AFAP1: variants seen among roughly 807,000 people sequenced by gnomAD.
AFAP1 encodes the protein actin filament-associated protein 1.
A neutral mutation model predicts 93.9 loss-of-function variants in AFAP1; 75 were observed. The observed-to-expected ratio is 0.80, with a 90% CI of 0.66 to 0.97. The LOEUF (loss-of-function observed/expected upper bound fraction) is 0.97. AFAP1 is among the 50% of genes least tolerant of loss of function. The probability of loss-of-function intolerance (pLI) is 0.00; values close to 1 mark genes in which losing one functional copy is unlikely to be tolerated. For missense variants in AFAP1, 1,201 were observed against 1,050.8 expected, an observed-to-expected ratio of 1.14 and a Z score of -1.98; for synonymous variants, 517 against 430.7, an observed-to-expected ratio of 1.20 and a Z score of -2.48.
intron 1 of AFAP1, among the ~76,000 whole-genome samples, chr4:7,930,435 C>A (rs866097511): frequency 6.6e-6 from 1 of 151,834 alleles, no homozygotes. Flanking sequence ...CATCTCGTCT[C>A]CCCTCCCCGG....
chr4:7,800,182 G>A (rs1326751475), intron 10 of AFAP1, among the ~76,000 whole-genome samples: 1 of 152,188 alleles, frequency 6.6e-6, no homozygotes, highest in African/African-American at 2.4e-5. Context: ...AGACAAGGAG[G>A]CAAGTCAATC....
intron 1 of AFAP1, among the ~76,000 whole-genome samples, chr4:7,931,924 G>A (rs560963112): frequency 5.9e-5 from 9 of 151,938 alleles, no homozygotes; most frequent in African/African-American, 9.7e-5. Flanking sequence ...GCAGTGGCGC[G>A]ATCTTGGCTC....
chr4:7,837,962 C>T (rs868425091), intron 6 of AFAP1, among the ~76,000 whole-genome samples: 1 of 152,086 alleles, frequency 6.6e-6, no homozygotes, highest in Non-Finnish European at 1.5e-5. Flanking sequence ...TGCAGTGAAC[C>T]ACGATCATAC....
intron 1 of AFAP1, among the ~76,000 whole-genome samples, chr4:7,921,575 T>C (rs1007417620): frequency 6.6e-5 from 10 of 152,090 alleles, no homozygotes; most frequent in East Asian, 1.9e-4. Flanking sequence ...CCCTTACACA[T>C]TGACAGTGAG....
chr4:7,825,147 C>A (rs1721307996), intron 6 of AFAP1, among the ~76,000 whole-genome samples: 1 of 152,160 alleles, frequency 6.6e-6, no homozygotes, highest in South Asian at 2.1e-4. Context: ...CATTCTACCC[C>A]TTTGAAAATT....
intron 5 of AFAP1, among the ~76,000 whole-genome samples, chr4:7,840,302 TGGG>T (rs1229786140): frequency 1.2e-5 from 1 of 82,444 alleles, no homozygotes; most frequent in Non-Finnish European, 2.3e-5. Context: ...GGTTTGTTTT[TGGG>T]GTGTGTGTGT....
intron 5 of AFAP1, among the ~76,000 whole-genome samples, chr4:7,840,736 T>C (rs74553661): frequency 4.5e-4 from 68 of 152,346 alleles, no homozygotes; most frequent in African/African-American, 1.6e-3. Flanking sequence ...CAGATTTTTA[T>C]GAATGTTGAC....
At chr4:7,932,474 T>C (rs907520688) in intron 1 of AFAP1, among the ~76,000 whole-genome samples, 1 of 152,336 alleles carries the variant, frequency 6.6e-6, no homozygotes, top group Non-Finnish European at 1.5e-5. Flanking sequence ...GAAATGGACC[T>C]GGAATCATGT....
intron 13 of AFAP1, 100 bp from the exon 14 acceptor site, chr4:7,778,976 T>C: frequency 2.2e-6 from 2 of 900,318 alleles, no homozygotes; most frequent in Non-Finnish European, 1.7e-6. Context: ...TCTCTAAGTA[T>C]TGTAGAAACT....
At chr4:7,804,305 T>C (rs1719311364) in intron 9 of AFAP1, among the ~76,000 whole-genome samples, 1 of 152,220 alleles carries the variant, frequency 6.6e-6, no homozygotes, top group Admixed American at 6.5e-5. Flanking sequence ...ATTTAACCAC[T>C]TAACAAGGCA....
At position 7,795,405 on chromosome 4, in the gene AFAP1, C is replaced by CTTTT. The variant is rs35550085; in HGVS notation, c.1267-1583_1267-1580dup. Among the ~76,000 whole-genome samples, 9 of 62,100 alleles carry CTTTT rather than the reference C, an allele frequency of 1.4e-4. 2 individuals carry two copies. The highest frequency in any genetic ancestry group is 5.4e-4 in the African/African-American group (7 of 12,922). The allele number at this position is 62,100 out of a possible 152,430, so 40.7% of individuals were successfully genotyped here. A position where few individuals can be genotyped will look rare whatever the true frequency, so the allele number is the denominator to read the frequency against. On this transcript the variant is annotated intron_variant, in intron 10 of 17. Coordinates refer to ENST00000420658, the MANE Select transcript of AFAP1 (RefSeq NM_001134647.2). ...TCTTATGTCCTTCCTAAAACAAAAT[C>CTTTT]TTTTTTTTTTTTTTTTTTTTTTTTT...
Position 7,786,237 on chromosome 4 carries a change from C to T in AFAP1, c.1487G>A (p.Gly496Glu), listed in dbSNP as rs745840369. Residue 496 changes from glycine (G) to glutamate (E), a missense_variant, in exon 12 of 18, where the codon GGG (glycine) becomes GAG (glutamate). By Grantham distance (98) the Gly-to-Glu change is moderately conservative. Transcript: ENST00000420658. ...GACATCGTCATAATGAAGTGCCGTC[C>T]CGCTGGGGTGGGCATAGCCGTTGGA... ...GTSNGYAHPSGTALHYDDVPC... is the reference protein window; with the variant it reads ...GTSNGYAHPSETALHYDDVPC... 3 of 1,614,134 alleles carry T rather than the reference C, an allele frequency of 1.9e-6. No homozygotes were observed. In the East Asian group the frequency reaches 6.7e-5, roughly 36 times the overall value.
intron 11 of AFAP1, among the ~76,000 whole-genome samples, chr4:7,790,852 G>A (rs936574386): frequency 2.0e-5 from 3 of 152,188 alleles, no homozygotes; most frequent in African/African-American, 7.2e-5. Flanking sequence ...AGTGTGCACT[G>A]TAGAAAACCT....
Position 7,778,861 on chromosome 4 carries a change from G to T in AFAP1, c.1798C>A (p.Pro600Thr). Residue 600 changes from proline (P) to threonine (T), a missense_variant, in exon 14 of 18, where the codon CCC becomes ACC. Physicochemically the swap from Pro to Thr is conservative, Grantham distance 38. Transcript: ENST00000420658. ...GLNSQLKGKKPPVASNGVTGK... is the reference protein window; with the variant it reads ...GLNSQLKGKKTPVASNGVTGK... Reference sequence around the variant, plus strand: ...GTGACCCCATTAGACGCCACGGGGGGCTTTTTACCCTTGAGCTGTTGAAAT... The same window carrying T: ...GTGACCCCATTAGACGCCACGGGGGTCTTTTTACCCTTGAGCTGTTGAAAT... 2 of 1,612,574 alleles carry T rather than the reference G, an allele frequency of 1.2e-6. No homozygotes were observed. Among genetic ancestry groups the T allele is most frequent in the Non-Finnish European group, 1.7e-6 (2 of 1,178,838 alleles).
intron 1 of AFAP1, among the ~76,000 whole-genome samples, chr4:7,899,873 T>C (rs1719014561): frequency 6.6e-6 from 1 of 151,716 alleles, no homozygotes; most frequent in Non-Finnish European, 1.5e-5. Flanking sequence ...AATAAATAAA[T>C]AAATAAATAA....
intron 11 of AFAP1, among the ~76,000 whole-genome samples, chr4:7,792,355 T>A (rs1334676848): frequency 6.6e-6 from 1 of 151,574 alleles, no homozygotes; most frequent in Non-Finnish European, 1.5e-5. Flanking sequence ...CAAAAAAAAC[T>A]GCTCACTGAC....
intron 1 of AFAP1, among the ~76,000 whole-genome samples, chr4:7,902,921 A>C (rs980629259): frequency 6.6e-6 from 1 of 152,170 alleles, no homozygotes; most frequent in African/African-American, 2.4e-5. Flanking sequence ...CAAACATTAC[A>C]CACCTATGTG....
At chr4:7,834,586 T>C (rs1164265517) in intron 6 of AFAP1, among the ~76,000 whole-genome samples, 1 of 152,270 alleles carries the variant, frequency 6.6e-6, no homozygotes, top group African/African-American at 2.4e-5. Context: ...AGGCAGCTAC[T>C]ATGATAGTAA....
At chr4:7,836,708 A>G (rs1047445107) in intron 6 of AFAP1, among the ~76,000 whole-genome samples, 3 of 152,154 alleles carry the variant, frequency 2.0e-5, no homozygotes, top group Admixed American at 2.0e-4. Flanking sequence ...CTTGGCTCCC[A>G]AAGTGCTGGG....
Sources: allele counts gnomAD v4.1 joint callset (sites outside exome capture counted in the v4.1 genomes callset), GRCh38; gene constraint gnomAD v4.1.1; transcripts MANE v1.5; gene names NCBI Gene and HGNC (gene_info 2026-07-23, HGNC 2026-07-21).